USP32: variants seen among roughly 807,000 people sequenced by gnomAD.
USP32 encodes the protein ubiquitin carboxyl-terminal hydrolase 32.
In USP32, 59 loss-of-function variants were observed where a neutral mutation model predicts 204.8. The ratio of observed to expected loss-of-function variants is 0.29; its 90% CI spans 0.23 to 0.36. The LOEUF (loss-of-function observed/expected upper bound fraction) is 0.36, where lower values mean the gene tolerates loss of function less well. Among genes scored for constraint, USP32 ranks in the 10% least tolerant of loss-of-function variants. The probability of loss-of-function intolerance (pLI) is 1.00; values close to 1 mark genes in which losing one functional copy is unlikely to be tolerated. For missense variants in USP32, 1,160 were observed against 1,946.4 expected, an observed-to-expected ratio of 0.60 and a Z score of 7.60; for synonymous variants, 517 against 678.4, an observed-to-expected ratio of 0.76 and a Z score of 3.70.
chr17:60,403,864 A>G (rs985175577), intron 1 of USP32, among the ~76,000 whole-genome samples: 1 of 151,884 alleles, frequency 6.6e-6, no homozygotes, highest in African/African-American at 2.4e-5. Context: ...ACATAGTGAG[A>G]CTCTATGTCT....
At chr17:60,296,798 C>T (rs1178450773) in intron 3 of USP32, among the ~76,000 whole-genome samples, 1 of 152,148 alleles carries the variant, frequency 6.6e-6, no homozygotes, top group Non-Finnish European at 1.5e-5. Flanking sequence ...TATAAAATGG[C>T]ATGGTATTTT....
At chr17:60,347,674 T>C (rs1260210736) in intron 1 of USP32, among the ~76,000 whole-genome samples, 1 of 151,498 alleles carries the variant, frequency 6.6e-6, no homozygotes, top group Non-Finnish European at 1.5e-5. Flanking sequence ...AATTTTTGTA[T>C]TTTTAGTTTC....
At chr17:60,254,285 T>A (rs184950166) in intron 10 of USP32, among the ~76,000 whole-genome samples, 1 of 152,368 alleles carries the variant, frequency 6.6e-6, no homozygotes, top group African/African-American at 2.4e-5. Context: ...TGACTTAGTG[T>A]TCACTTCTGG....
intron 1 of USP32, chr17:60,422,017 C>A: frequency 1.1e-6 from 1 of 872,164 alleles, no homozygotes; most frequent in Non-Finnish European, 1.4e-6. Context: ...ACCCAGTACC[C>A]AGCACCCAGC....
chr17:60,183,380 C>T lies in USP32; in HGVS notation c.3908G>A (p.Arg1303Gln), dbSNP rs551952627. ...AAAAGCACTTGGATCAAAACTTTCC[C>T]GAGGAAATTTGACAATTTTCTGTGA... ...IKSQKIVKFP[R>Q]ESFDPSAFLV... Residue 1303 changes from arginine to glutamine, a missense_variant, in exon 31 of 34, where the codon CGG becomes CAG. Arg to Gln is a conservative substitution (Grantham distance 43, BLOSUM62 1). Coordinates refer to ENST00000300896, the MANE Select transcript of USP32 (RefSeq NM_032582.4). The T allele has an allele frequency of 2.6e-5, 42 of 1,613,476 alleles. No homozygotes were observed. The East Asian group carries it at 2.7e-4, about 10-fold the overall frequency.
chr17:60,307,195 G>A lies in USP32; in HGVS notation c.187-5491C>T, dbSNP rs189327234. On this transcript the variant is annotated intron_variant, in intron 2 of 33. Transcript: ENST00000300896. ...GCTCTCTGCAAACTCAACCTCCCAG[G>A]TTCAAGCAATTCTCCTGCCTCAGCC... Among the ~76,000 whole-genome samples, 764 of 151,822 alleles carry A rather than the reference G, an allele frequency of 5.0e-3. 2 individuals are homozygous for A. Among genetic ancestry groups the A allele is most frequent in the Non-Finnish European group, 8.5e-3 (579 of 67,942 alleles).
At chr17:60,360,508 A>T (rs1478773129) in intron 1 of USP32, among the ~76,000 whole-genome samples, 1 of 151,712 alleles carries the variant, frequency 6.6e-6, no homozygotes, top group Non-Finnish European at 1.5e-5. Context: ...AAAATACAAA[A>T]GTTAGCCAGG....
intron 2 of USP32, among the ~76,000 whole-genome samples, chr17:60,329,670 A>C (rs764245414): frequency 1.2e-4 from 18 of 152,144 alleles, no homozygotes; most frequent in Admixed American, 3.3e-4. Context: ...AACTCTTAAA[A>C]GCAAAGGAGC....
At chr17:60,377,009 T>C (rs1377925934) in intron 1 of USP32, among the ~76,000 whole-genome samples, 3 of 152,214 alleles carry the variant, frequency 2.0e-5, no homozygotes, top group Admixed American at 6.5e-5. Context: ...TAATAAACTT[T>C]TGATATCCAA....
intron 1 of USP32, among the ~76,000 whole-genome samples, chr17:60,408,922 G>A (rs1361217992): frequency 1.3e-5 from 2 of 152,118 alleles, no homozygotes; most frequent in Non-Finnish European, 2.9e-5. Context: ...CATGCCTTCT[G>A]GCATCACCTC....
intron 5 of USP32, among the ~76,000 whole-genome samples, chr17:60,285,281 AT>A (rs1273531975): frequency 6.6e-6 from 1 of 152,186 alleles, no homozygotes; most frequent in Non-Finnish European, 1.5e-5. Flanking sequence ...AAGCAAAATA[AT>A]TTTTTAAAAG....
intron 1 of USP32, among the ~76,000 whole-genome samples, chr17:60,372,423 G>A (rs953163134): frequency 5.3e-5 from 8 of 151,948 alleles, no homozygotes; most frequent in Non-Finnish European, 1.2e-4. Context: ...ATTACTCCTA[G>A]GCTACAAACC....
intron 5 of USP32, among the ~76,000 whole-genome samples, chr17:60,281,799 G>C (rs955881841): frequency 6.6e-6 from 1 of 152,104 alleles, no homozygotes; most frequent in Non-Finnish European, 1.5e-5. Flanking sequence ...TGCAGTTCAT[G>C]GTCCATCTAC....
intron 12 of USP32, among the ~76,000 whole-genome samples, chr17:60,231,241 A>G (rs1238745003): frequency 6.6e-6 from 1 of 152,144 alleles, no homozygotes; most frequent in African/African-American, 2.4e-5. Context: ...TGCCCTGTAC[A>G]TAGGTATGTT....
chr17:60,396,821 CTGAT>C (rs1232734722), upstream of USP32, among the ~76,000 whole-genome samples: 3 of 152,220 alleles, frequency 2.0e-5, no homozygotes, highest in Non-Finnish European at 2.9e-5. Flanking sequence ...AGACTACTCA[CTGAT>C]TGTGTGAATT....
intron 9 of USP32, among the ~76,000 whole-genome samples, chr17:60,263,489 TATTACTATTTC>T (rs950732836): frequency 2.7e-4 from 41 of 152,226 alleles, no homozygotes; most frequent in Non-Finnish European, 2.2e-4. Flanking sequence ...TATCCCAAAC[TATTACTATTTC>T]ATTATCATGG....
Position 60,222,419 on chromosome 17 carries a change from A to G in USP32, c.1739T>C (p.Leu580Ser). 1.2e-6 allele frequency: 2 copies of G among 1,614,016 alleles called. No homozygotes were observed. The highest frequency in any genetic ancestry group is 1.7e-6 in the Non-Finnish European group (2 of 1,179,944). The change falls in exon 15 of 34, where the codon TTA becomes TCA. Residue 580 changes from leucine (L) to serine (S), a missense_variant. By Grantham distance (145) the Leu-to-Ser change is moderately radical. Around this residue, in one of 8 missense-constraint regions of USP32, gnomAD observed 37 missense variants for 62.6 expected, o/e 0.59. Transcript: ENST00000300896. ...LYHWYGANLALPRPVIKNSKT... is the reference protein window; with the variant it reads ...LYHWYGANLASPRPVIKNSKT... ...ATTAACTATACTTACTGGTCTAGGT[A>G]AGGCCAGGTTTGCTCCATACCAGTG...
intron 9 of USP32, among the ~76,000 whole-genome samples, chr17:60,261,925 T>C (rs1402645750): frequency 6.6e-6 from 1 of 152,126 alleles, no homozygotes; most frequent in East Asian, 1.9e-4. Context: ...AAATAATAGA[T>C]ACCACCGTAC....
intron 12 of USP32, among the ~76,000 whole-genome samples, chr17:60,230,558 T>C (rs982964943): frequency 6.6e-6 from 1 of 152,252 alleles, no homozygotes; most frequent in African/African-American, 2.4e-5. Flanking sequence ...TAATAACCTT[T>C]AGACTTGGAG....
Sources: gnomAD v4.1 joint callset for allele counts (sites outside exome capture counted in the v4.1 genomes callset) on GRCh38, gnomAD v4.1.1 for gene constraint, gnomAD v4.1.1 regional missense constraint, MANE v1.5 for transcripts, NCBI Gene and HGNC (gene_info 2026-07-23, HGNC 2026-07-21) for gene names.